Variants in NAT1 observed in about 807,000 individuals in gnomAD.
NAT1 encodes arylamine N-acetyltransferase 1.
For missense variants in NAT1, 400 were observed against 339.2 expected, an observed-to-expected ratio of 1.18 and a Z score of -1.41; for synonymous variants, 144 against 122.6, an observed-to-expected ratio of 1.17 and a Z score of -1.16.
In NAT1 at chr8:18,191,081, GA is replaced by G. The variant is rs1166522861; in HGVS notation, n.93-18692del. On this transcript the variant is annotated intron_variant and non_coding_transcript_variant, in intron 2 of 4. Coordinates refer to the NAT1 transcript ENST00000517441. ...CTGTCCAAAAAAAAAAGAAAAAAAA[GA>G]AAAAAAAGATAAGCAATAAATATAC... is the stretch of plus-strand genomic sequence containing the variant. 1.9e-4 allele frequency among the ~76,000 whole-genome samples: 29 copies of G among 151,180 alleles called. No homozygotes were observed. The East Asian group carries it at 2.9e-3, about 15-fold the overall frequency.
chr8:18,221,544 G>C (rs1805298630), intron 2 of NAT1, among the ~76,000 whole-genome samples: 1 of 152,094 alleles, frequency 6.6e-6, no homozygotes. Flanking sequence ...GCTATTCAGT[G>C]AACTATTTCT....
Position 18,223,150 on chromosome 8 carries a change from G to T in NAT1, c.*230G>T. The T allele has an allele frequency of 5.3e-6, 1 of 189,114 alleles. No homozygotes were observed. Among genetic ancestry groups the T allele is most frequent in the Non-Finnish European group, 1.2e-5 (1 of 84,146 alleles). The allele number at this position is 189,114 out of a possible 1,614,324, so 11.7% of individuals were successfully genotyped here. ...ATAATAATAAAAAATGTATTTTAAAGATGGCCTGTGGTTATCTTGGAAATT... is the reference window on the plus strand; with the variant it reads ...ATAATAATAAAAAATGTATTTTAAATATGGCCTGTGGTTATCTTGGAAATT... On this transcript the variant is annotated 3_prime_UTR_variant, in exon 3 of 3. Transcript: ENST00000307719.
rs575655449 is a variant in NAT1 at position 18,173,201 on chromosome 8, A to T, written n.92+2462A>T. Among the ~76,000 whole-genome samples, 3 of 152,188 alleles carry T rather than the reference A, an allele frequency of 2.0e-5. No homozygotes were observed. In the East Asian group the frequency reaches 5.8e-4, roughly 29 times the overall value. On this transcript the variant is annotated intron_variant and non_coding_transcript_variant, in intron 2 of 4. Coordinates refer to the NAT1 transcript ENST00000517441. The stretch of plus-strand genomic sequence containing the variant: ...ACAATGATCATGTGCACAGCACAGG[A>T]TATGAGCAGAAATACATCACATTTC...
upstream of NAT1, among the ~76,000 whole-genome samples, chr8:18,207,522 C>G (rs918876564): frequency 6.6e-6 from 1 of 152,106 alleles, no homozygotes; most frequent in Non-Finnish European, 1.5e-5. Context: ...CATGAGCTCA[C>G]CATCACTGAT....
chr8:18,222,771 A>T lies in NAT1; in HGVS notation c.724A>T (p.Arg242Trp). ...HCLVGFTLTH[R>W]RFNYKDNTDL... ...TTTGGTGGGCTTCACCCTCACCCAT[A>T]GGAGATTCAATTATAAGGACAATAC... Residue 242 changes from arginine to tryptophan, a missense_variant, in exon 3 of 3, where the codon AGG becomes TGG. Arg to Trp is a moderately radical substitution (Grantham distance 101, BLOSUM62 -3). Transcript: ENST00000307719. 6.2e-7 allele frequency: 1 copy of T among 1,613,634 alleles called. No individual in the cohort carries two copies. The highest frequency in any genetic ancestry group is 8.5e-7 in the Non-Finnish European group (1 of 1,179,830).
At chr8:18,191,857 TAA>T (rs1803005389) in intron 2 of NAT1, among the ~76,000 whole-genome samples, 1 of 152,062 alleles carries the variant, frequency 6.6e-6, no homozygotes, top group South Asian at 2.1e-4. Context: ...ATTAAAGACT[TAA>T]ACATTAGACC....
intron 2 of NAT1, among the ~76,000 whole-genome samples, chr8:18,192,313 T>C (rs1220879059): frequency 1.3e-5 from 2 of 152,186 alleles, no homozygotes. Flanking sequence ...CCAGTTAGAA[T>C]GGCGATCATT....
chr8:18,170,918 C>T (rs572560062), intron 2 of NAT1, among the ~76,000 whole-genome samples: 42 of 151,148 alleles, frequency 2.8e-4, no homozygotes, highest in Admixed American at 5.3e-4. Flanking sequence ...TCTTTTTTCT[C>T]CTGTTTTACT....
intron 2 of NAT1, among the ~76,000 whole-genome samples, chr8:18,199,856 G>C (rs1803389700): frequency 6.6e-6 from 1 of 152,154 alleles, no homozygotes; most frequent in African/African-American, 2.4e-5. Context: ...ATGGGAAAAG[G>C]ATATGAACAG....
At chr8:18,185,000 G>C (rs932783173) in intron 2 of NAT1, among the ~76,000 whole-genome samples, 1 of 152,192 alleles carries the variant, frequency 6.6e-6, no homozygotes, top group South Asian at 2.1e-4. Context: ...TTTAGTTGTT[G>C]CTGGCAAATC....
upstream of NAT1, among the ~76,000 whole-genome samples, chr8:18,207,099 G>T (rs1007230912): frequency 1.3e-5 from 2 of 152,156 alleles, no homozygotes; most frequent in African/African-American, 4.8e-5. Flanking sequence ...TGGCTAGCCA[G>T]TTCTCCCAGC....
At chr8:18,208,112 T>C (rs1255023467), upstream of NAT1, among the ~76,000 whole-genome samples, 2 of 150,944 alleles carry the variant, frequency 1.3e-5, no homozygotes, top group Non-Finnish European at 3.0e-5. Context: ...CTGGGGCCCG[T>C]TGGGGTGAGG....
At chr8:18,175,354 T>G (rs1802256530) in intron 2 of NAT1, among the ~76,000 whole-genome samples, 1 of 152,098 alleles carries the variant, frequency 6.6e-6, no homozygotes. Flanking sequence ...GATCAACATC[T>G]TTCCATTCCC....
intron 2 of NAT1, among the ~76,000 whole-genome samples, chr8:18,193,330 C>G (rs1384990908): frequency 1.3e-5 from 2 of 150,344 alleles, no homozygotes; most frequent in Non-Finnish European, 3.0e-5. Flanking sequence ...ATGCTCACAC[C>G]TCGACCTCCT....
At chr8:18,194,738 T>G (rs545504454) in intron 2 of NAT1, among the ~76,000 whole-genome samples, 1 of 152,020 alleles carries the variant, frequency 6.6e-6, no homozygotes, top group African/African-American at 2.4e-5. Context: ...GAGAATCGCT[T>G]GAACCCTGGG....
chr8:18,222,684 C>T lies in NAT1; in HGVS notation c.637C>T (p.Pro213Ser). Residue 213 changes from proline (P) to serine (S), a missense_variant, in exon 3 of 3, where the codon CCA (proline) becomes TCA (serine). Physicochemically the swap from Pro to Ser is moderately conservative, Grantham distance 74. Coordinates refer to ENST00000307719, the MANE Select transcript of NAT1 (RefSeq NM_000662.8). ...ESMNTYLQTS[P>S]SSVFTSKSFC... ...TATGAATACATACCTGCAGACATCTCCATCATCTGTGTTTACTAGTAAATC... is the reference window on the plus strand; with the variant it reads ...TATGAATACATACCTGCAGACATCTTCATCATCTGTGTTTACTAGTAAATC... 6.2e-7 allele frequency: 1 copy of T among 1,613,990 alleles called. No individual in the cohort carries two copies. Among genetic ancestry groups the T allele is most frequent in the Admixed American group, 1.7e-5 (1 of 59,994 alleles).
chr8:18,176,206 G>GAAAAAAAAAA (rs1435976576), intron 2 of NAT1, among the ~76,000 whole-genome samples: 1 of 152,064 alleles, frequency 6.6e-6, no homozygotes, highest in East Asian at 1.9e-4. Context: ...AAGTTTCTGA[G>GAAAAAAAAAA]TTGAATGTGA....
chr8:18,172,564 G>A (rs1299687912), intron 2 of NAT1, among the ~76,000 whole-genome samples: 1 of 152,128 alleles, frequency 6.6e-6, no homozygotes, highest in Non-Finnish European at 1.5e-5. Context: ...CTGTTTCTCT[G>A]TGCAGGCCAC....
Position 18,222,484 on chromosome 8 carries a change from TG to T in NAT1, c.438del (p.Pro147LeufsTer6). On this transcript the variant is annotated frameshift_variant, in exon 3 of 3. Transcript: ENST00000307719. LOFTEE classifies it low-confidence loss of function (END_TRUNC). ...ELISGKDQPQ[V>X]PCVFRLTEEN... ...ATTTCTGGGAAGGATCAGCCTCAGG[TG>T]CCTTGTGTCTTCCGTTTGACGGAAG... 1 of 1,613,910 alleles carries T rather than the reference TG, an allele frequency of 6.2e-7. No homozygotes were observed. Among genetic ancestry groups the T allele is most frequent in the East Asian group, 2.2e-5 (1 of 44,866 alleles).
Sources: gnomAD v4.1 joint callset for allele counts (sites outside exome capture counted in the v4.1 genomes callset) on GRCh38, gnomAD v4.1.1 for gene constraint, MANE v1.5 for transcripts, NCBI Gene and HGNC (gene_info 2026-07-23, HGNC 2026-07-21) for gene names.